Variants in MECOM observed in about 807,000 individuals in gnomAD.
The protein encoded by MECOM is histone-lysine N-methyltransferase MECOM.
A neutral mutation model predicts 116.3 loss-of-function variants in MECOM; 13 were observed. The ratio of observed to expected loss-of-function variants is 0.11; its 90% confidence interval spans 0.07 to 0.18. The LOEUF is 0.18. Among genes scored for constraint, MECOM ranks in the 10% least tolerant of loss-of-function variants. The pLI is 1.00. For missense variants in MECOM, 1,299 were observed against 1,509.0 expected, an observed-to-expected ratio of 0.86 and a Z score of 2.31; for synonymous variants, 528 against 535.2, an observed-to-expected ratio of 0.99 and a Z score of 0.19.
At chr3:169,169,998 A>C (rs975313776) in intron 2 of MECOM, among the ~76,000 whole-genome samples, 20 of 152,230 alleles carry the variant, frequency 1.3e-4, no homozygotes, top group African/African-American at 4.6e-4. Flanking sequence ...AGACTATCAC[A>C]AAAGCTATTT....
At chr3:169,420,331 C>T (rs1739490775) in intron 1 of MECOM, among the ~76,000 whole-genome samples, 1 of 152,088 alleles carries the variant, frequency 6.6e-6, no homozygotes, top group Admixed American at 6.6e-5. Context: ...AAGCATGGGA[C>T]CTGCATTATG....
intron 2 of MECOM, among the ~76,000 whole-genome samples, chr3:169,375,666 C>G (rs1020937510): frequency 1.1e-4 from 16 of 152,022 alleles, no homozygotes; most frequent in African/African-American, 3.9e-4. Context: ...ATAACAAGTT[C>G]TGAAATTGAG....
intron 2 of MECOM, among the ~76,000 whole-genome samples, chr3:169,271,370 T>C (rs2149654574): frequency 6.6e-6 from 1 of 152,256 alleles, no homozygotes; most frequent in East Asian, 1.9e-4. Context: ...ACCCAATGTT[T>C]CAACAATCAA....
intron 1 of MECOM, among the ~76,000 whole-genome samples, chr3:169,562,168 G>GAAAA (rs1762729160): frequency 1.1e-5 from 1 of 93,396 alleles, no homozygotes; most frequent in Non-Finnish European, 2.2e-5. Flanking sequence ...AAAAAGGAAA[G>GAAAA]AAAGAAAGAA....
At chr3:169,625,392 AAC>A (rs1345128857) in intron 1 of MECOM, among the ~76,000 whole-genome samples, 1 of 152,138 alleles carries the variant, frequency 6.6e-6, no homozygotes, top group Non-Finnish European at 1.5e-5. Flanking sequence ...CTGTTTTCAC[AAC>A]AGTTTTCTCT....
intron 2 of MECOM, among the ~76,000 whole-genome samples, chr3:169,231,206 A>C (rs536476187): frequency 6.6e-6 from 1 of 152,308 alleles, no homozygotes; most frequent in African/African-American, 2.4e-5. Flanking sequence ...TCTCAAATGT[A>C]GTGCATGCAT....
intron 1 of MECOM, among the ~76,000 whole-genome samples, chr3:169,472,557 AGAGAGGAGAGGAGAGGAGAGGAGAG>A (rs1249126506): frequency 2.4e-4 from 15 of 63,258 alleles, no homozygotes; most frequent in African/African-American, 7.2e-4. Context: ...GGAAAAGAAA[AGAGAGGAGAGGAGAGGAGAGGAGAG>A]GAAAGGAAAG....
In MECOM at chr3:169,533,652, C is replaced by T. The variant is rs139769387; in HGVS notation, c.37+129684G>A. On this transcript the variant is annotated intron_variant, in intron 1 of 16. Transcript: ENST00000651503. ...TCATTTCTCACTTGCTTCTTCTTATCTGACACGACTTATTAGTTCTCTGAG... is the reference window on the plus strand; with the variant it reads ...TCATTTCTCACTTGCTTCTTCTTATTTGACACGACTTATTAGTTCTCTGAG... Among the ~76,000 whole-genome samples, 627 of 142,694 alleles carry T rather than the reference C, an allele frequency of 4.4e-3. 2 individuals are homozygous for T. Among genetic ancestry groups the T allele is most frequent in the Non-Finnish European group, 7.3e-3 (487 of 66,394 alleles). The allele number at this position is 142,694 out of a possible 152,430, so 93.6% of individuals were successfully genotyped here. A position where few individuals can be genotyped will look rare whatever the true frequency, so the allele number is the denominator to read the frequency against.
At chr3:169,455,873 G>A (rs186497229) in intron 1 of MECOM, among the ~76,000 whole-genome samples, 7 of 152,250 alleles carry the variant, frequency 4.6e-5, no homozygotes, top group East Asian at 1.9e-4. Context: ...TTGGTTTGAC[G>A]TGGCTGCTGT....
intron 2 of MECOM, among the ~76,000 whole-genome samples, chr3:169,353,040 G>A (rs572049449): frequency 3.9e-5 from 6 of 151,948 alleles, no homozygotes; most frequent in South Asian, 2.1e-4. Context: ...TTTATCCCAC[G>A]AGGCTACAAT....
intron 2 of MECOM, among the ~76,000 whole-genome samples, chr3:169,265,016 T>C (rs867086036): frequency 4.0e-5 from 6 of 151,274 alleles, no homozygotes; most frequent in Non-Finnish European, 7.4e-5. Flanking sequence ...AAGATCTTCT[T>C]AAGCAGCAGC....
chr3:169,572,918 G>T (rs1199287270), intron 1 of MECOM, among the ~76,000 whole-genome samples: 2 of 152,074 alleles, frequency 1.3e-5, no homozygotes, highest in Admixed American at 6.6e-5. Context: ...CATGGCACGT[G>T]TATACCTTTG....
intron 1 of MECOM, among the ~76,000 whole-genome samples, chr3:169,433,469 A>G (rs1340849505): frequency 6.6e-6 from 1 of 151,982 alleles, no homozygotes. Context: ...ACTCGAAAGA[A>G]GGAAAGAAAA....
intron 1 of MECOM, among the ~76,000 whole-genome samples, chr3:169,488,303 G>T (rs767841749): frequency 1.4e-5 from 2 of 147,416 alleles, no homozygotes; most frequent in Non-Finnish European, 3.0e-5. Flanking sequence ...AAGATGGGTG[G>T]ATCACTTGAG....
chr3:169,481,980 A>G (rs1751357115), intron 1 of MECOM, among the ~76,000 whole-genome samples: 1 of 152,224 alleles, frequency 6.6e-6, no homozygotes, highest in Non-Finnish European at 1.5e-5. Context: ...GTAAAGTACA[A>G]CTCTTGAGAT....
At chr3:169,439,598 G>T (rs1163341330) in intron 1 of MECOM, among the ~76,000 whole-genome samples, 2 of 152,022 alleles carry the variant, frequency 1.3e-5, no homozygotes, top group African/African-American at 4.8e-5. Flanking sequence ...ATACCAAGTG[G>T]TATAAACATG....
At chr3:169,113,015 G>C in intron 8 of MECOM, 141 bp from the exon 9 acceptor site, 1 of 591,494 alleles carries the variant, frequency 1.7e-6, no homozygotes, top group South Asian at 2.5e-5. Context: ...AGAGACATCT[G>C]TCCAGTTCTT....
intron 1 of MECOM, among the ~76,000 whole-genome samples, chr3:169,384,589 C>A (rs1200105994): frequency 6.6e-6 from 1 of 152,154 alleles, no homozygotes; most frequent in Admixed American, 6.5e-5. Context: ...AAAGCGATTT[C>A]TCCCCCATTG....
chr3:169,637,138 C>T (rs538878699), intron 1 of MECOM, among the ~76,000 whole-genome samples: 1 of 152,282 alleles, frequency 6.6e-6, no homozygotes, highest in South Asian at 2.1e-4. Context: ...TGTTAGAAGC[C>T]ATATGCAAAC....
Sources: allele counts gnomAD v4.1 joint callset (sites outside exome capture counted in the v4.1 genomes callset), GRCh38; gene constraint gnomAD v4.1.1; transcripts MANE v1.5; gene names NCBI Gene and HGNC (gene_info 2026-07-23, HGNC 2026-07-21).